MIA2: variants seen among roughly 807,000 people sequenced by gnomAD.
MIA2 encodes the protein MIA SH3 domain ER export factor 2.
In MIA2, 127 loss-of-function variants were observed where a neutral mutation model predicts 167.8. The observed-to-expected ratio is 0.76, with a 90% CI of 0.66 to 0.88. The LOEUF is 0.88. Among genes scored for constraint, MIA2 ranks in the 40% least tolerant of loss-of-function variants. The pLI, the probability that MIA2 is intolerant of heterozygous loss-of-function variation, is 0.00. For synonymous variants in MIA2, 552 were observed against 541.9 expected (o/e 1.02, Z -0.26); for missense variants, 1,690 against 1,624.7 (o/e 1.04, Z -0.69).
chr14:39,247,471 G>A lies in MIA2; in HGVS notation c.897G>A (p.Glu299=). ...KTQSELASES[E]HIPKPQSTGW... ...AGTCTGAACTAGCATCTGAGTCAGA[G>A]CACATTCCCAAACCTCAATCCACTG... The change falls in exon 4 of 29, where the codon GAG becomes GAA. Residue 299 remains glutamate, a synonymous_variant. Transcript: ENST00000640607. The A allele has an allele frequency of 6.2e-7, 1 of 1,613,878 alleles. No homozygotes were observed. Among genetic ancestry groups the A allele is most frequent in the Non-Finnish European group, 8.5e-7 (1 of 1,179,942 alleles).
chr14:39,252,808 C>A lies in MIA2; in HGVS notation c.1628C>A (p.Ser543Ter). 6.2e-7 allele frequency: 1 copy of A among 1,613,940 alleles called. No individual in the cohort carries two copies. The highest frequency in any genetic ancestry group is 2.2e-5 in the East Asian group (1 of 44,858). The change falls in exon 5 of 29, where the codon TCA (serine) becomes TAA (stop). Residue 543 changes from serine to a stop codon, truncating the protein, a stop_gained. Transcript: ENST00000640607. LOFTEE classifies it high-confidence loss of function. ...RIHEEVYFEP[S>*]SSKDSDENSK... ...CACGAAGAAGTATATTTTGAACCCT[C>A]ATCTTCTAAAGATAGTGATGAAAAT... is the stretch of plus-strand genomic sequence containing the variant.
intron 23 of MIA2, among the ~76,000 whole-genome samples, chr14:39,366,135 G>A (rs1030249782): frequency 1.2e-4 from 19 of 152,220 alleles, no homozygotes; most frequent in Non-Finnish European, 1.8e-4. Flanking sequence ...TTAGGCTGTA[G>A]TTGTTAGTGG....
At chr14:39,315,961 A>G (rs943683397) in intron 21 of MIA2, among the ~76,000 whole-genome samples, 2 of 152,130 alleles carry the variant, frequency 1.3e-5, no homozygotes, top group Admixed American at 6.6e-5. Flanking sequence ...TTTATACTCC[A>G]TGGGGAAGGT....
intron 4 of MIA2, among the ~76,000 whole-genome samples, chr14:39,248,702 C>T (rs2152629817): frequency 6.6e-6 from 1 of 152,128 alleles, no homozygotes; most frequent in South Asian, 2.1e-4. Flanking sequence ...CCCAATACAA[C>T]TATATTTGAA....
intron 3 of MIA2, among the ~76,000 whole-genome samples, chr14:39,244,518 G>T (rs1411461829): frequency 6.6e-6 from 1 of 152,152 alleles, no homozygotes; most frequent in East Asian, 1.9e-4. Flanking sequence ...TCTTAATCAT[G>T]TACTAGACTG....
intron 23 of MIA2, among the ~76,000 whole-genome samples, chr14:39,382,360 C>A (rs958842684): frequency 6.6e-6 from 1 of 152,152 alleles, no homozygotes; most frequent in African/African-American, 2.4e-5. Context: ...TCCACTGAGC[C>A]CCTTCCTGGT....
intron 24 of MIA2, among the ~76,000 whole-genome samples, chr14:39,322,207 A>G (rs1402761514): frequency 6.6e-6 from 1 of 152,176 alleles, no homozygotes; most frequent in Non-Finnish European, 1.5e-5. Context: ...TCTTGTAGGC[A>G]GATTTTTGAT....
chr14:39,369,129 T>G (rs1018537768), intron 23 of MIA2, among the ~76,000 whole-genome samples: 3 of 152,204 alleles, frequency 2.0e-5, no homozygotes, highest in African/African-American at 7.2e-5. Flanking sequence ...CTTTCTCAAG[T>G]GAGAATTCAG....
Position 39,299,933 on chromosome 14 carries a change from G to A in MIA2, c.2566G>A (p.Asp856Asn), listed in dbSNP as rs750955523. 1.1e-5 allele frequency: 17 copies of A among 1,610,294 alleles called. No homozygotes were observed. Among genetic ancestry groups the A allele is most frequent in the Non-Finnish European group, 1.4e-5 (16 of 1,178,834 alleles). ...TAATAAACAGAAAGTAACATTTGAA[G>A]ACTCCAAAGTACATGCAGAACAAGT... The part of the protein sequence containing the change: ...ELNKQKVTFE[D>N]SKVHAEQVLN... Residue 856 changes from aspartate to asparagine, a missense_variant, in exon 14 of 29, where the codon GAC becomes AAC. Coordinates refer to ENST00000640607, the MANE Select transcript of MIA2 (RefSeq NM_001329214.4).
chr14:39,383,738 T>G (rs984272569), intron 23 of MIA2, among the ~76,000 whole-genome samples: 2 of 152,212 alleles, frequency 1.3e-5, no homozygotes, highest in African/African-American at 4.8e-5. Context: ...ATTGTTGATA[T>G]GGAGAAAATT....
At chr14:39,241,486 C>T (rs935356289) in intron 3 of MIA2, among the ~76,000 whole-genome samples, 2 of 152,130 alleles carry the variant, frequency 1.3e-5, no homozygotes, top group African/African-American at 4.8e-5. Flanking sequence ...ATTCAAGGCA[C>T]CATCATCTCT....
In MIA2 at chr14:39,356,721, G is replaced by A. The variant is rs540136494; in HGVS notation, c.2248+7744G>A. On this transcript the variant is annotated intron_variant, in intron 23 of 23. Coordinates refer to the MIA2 transcript ENST00000341502. ...TAAATTTCCCTCTACACACTGCTTT[G>A]AATGTGTCCCAGAGATTCTGGTATG... Among the ~76,000 whole-genome samples, 25 of 152,250 alleles carry A rather than the reference G, an allele frequency of 1.6e-4. No individual in the cohort carries two copies. In the South Asian group the frequency reaches 5.0e-3, roughly 30 times the overall value.
chr14:39,377,016 G>A (rs1249649209), intron 23 of MIA2, among the ~76,000 whole-genome samples: 2 of 152,068 alleles, frequency 1.3e-5, no homozygotes, highest in Non-Finnish European at 2.9e-5. Context: ...TTGGAGTCCC[G>A]AGTTTCTATT....
chr14:39,277,686 ATG>A lies in MIA2; in HGVS notation c.2019+627_2019+628del, dbSNP rs201566183. ...TGTAAGATCTTTTATATATATATAT[ATG>A]TGTGTATATATATATATATATATAT... On this transcript the variant is annotated intron_variant, in intron 7 of 28. Transcript: ENST00000640607. Among the ~76,000 whole-genome samples the A allele has an allele frequency of 4.7e-3, 77 of 16,390 alleles. 10 individuals are homozygous for A. Among genetic ancestry groups the A allele is most frequent in the African/African-American group, 0.017 (73 of 4,180 alleles). The allele number at this position is 16,390 out of a possible 152,430, so 10.8% of individuals were successfully genotyped here. A position where few individuals can be genotyped will look rare whatever the true frequency, so the allele number is the denominator to read the frequency against.
chr14:39,381,593 G>A (rs1378446179), intron 23 of MIA2, among the ~76,000 whole-genome samples: 5 of 151,920 alleles, frequency 3.3e-5, no homozygotes, highest in African/African-American at 1.2e-4. Flanking sequence ...TTTCGGTTTC[G>A]CTTGGCTAGC....
intron 25 of MIA2, among the ~76,000 whole-genome samples, chr14:39,330,033 C>T (rs1004105188): frequency 6.6e-6 from 1 of 152,118 alleles, no homozygotes; most frequent in Non-Finnish European, 1.5e-5. Flanking sequence ...GGAATAGTTT[C>T]AGAAGGAATG....
chr14:39,374,498 G>C (rs1595958445), intron 23 of MIA2, among the ~76,000 whole-genome samples: 1 of 151,854 alleles, frequency 6.6e-6, no homozygotes, highest in East Asian at 1.9e-4. Context: ...TCTTTTTTTG[G>C]AAAAAGGAAA....
At chr14:39,347,840 T>TA in intron 27 of MIA2, 69 bp downstream of exon 27, 1 of 1,258,268 alleles carries the variant, frequency 7.9e-7, no homozygotes, top group South Asian at 1.4e-5. Flanking sequence ...TTTTTTTTTT[T>TA]TATGGAGTTT....
intron 1 of MIA2, among the ~76,000 whole-genome samples, chr14:39,235,439 CATATA>C (rs1195819163): frequency 6.6e-6 from 1 of 152,060 alleles, no homozygotes; most frequent in Non-Finnish European, 1.5e-5. Flanking sequence ...ACTTTTTGGA[CATATA>C]ATGTAATATA....
Sources: gnomAD v4.1 joint callset for allele counts (sites outside exome capture counted in the v4.1 genomes callset) on GRCh38, gnomAD v4.1.1 for gene constraint, MANE v1.5 for transcripts, NCBI Gene and HGNC (gene_info 2026-07-23, HGNC 2026-07-21) for gene names.